The following NTM variants were observed in gnomAD, a reference collection of about 807,000 sequenced individuals.
NTM encodes neurotrimin.
A neutral mutation model predicts 42.1 loss-of-function variants in NTM; 13 were observed. The observed-to-expected ratio is 0.31, with a 90% CI of 0.20 to 0.49. The LOEUF is 0.49. Among genes scored for constraint, NTM ranks in the 20% least tolerant of loss-of-function variants. The pLI is 0.99. For missense variants in NTM, 373 were observed against 452.8 expected (o/e 0.82, Z 1.60); for synonymous variants, 187 against 179.2 (o/e 1.04, Z -0.35).
chr11:132,140,585 G>A (rs1315543820), intron 2 of NTM, among the ~76,000 whole-genome samples: 2 of 152,140 alleles, frequency 1.3e-5, no homozygotes, highest in Non-Finnish European at 1.5e-5. Flanking sequence ...ATCCAGTAGG[G>A]TCAAAATTAG....
chr11:132,109,171 G>T lies in NTM; in HGVS notation c.168-37111G>T, dbSNP rs532470622. On this transcript the variant is annotated intron_variant, in intron 2 of 8. Transcript: ENST00000683400. ...ACAGTGCTGCAATAAACATACGTGT[G>T]CATGTGTCTTTATAGTAGAATGATT... is the stretch of plus-strand genomic sequence containing the variant. 3.0e-3 allele frequency among the ~76,000 whole-genome samples: 431 copies of T among 143,216 alleles called. 2 individuals are homozygous for T. The highest frequency in any genetic ancestry group is 0.011 in the African/African-American group (400 of 37,526). 94.0% of individuals were successfully genotyped at this position (143,216 alleles called of 152,430 possible). A position where few individuals can be genotyped will look rare whatever the true frequency, so the allele number is the denominator to read the frequency against.
intron 1 of NTM, among the ~76,000 whole-genome samples, chr11:131,442,246 G>T (rs545892341): frequency 6.6e-6 from 1 of 152,214 alleles, no homozygotes; most frequent in South Asian, 2.1e-4. Context: ...GATAAAACTT[G>T]TTTGCATCCG....
At chr11:131,755,975 A>G (rs1433649314) in intron 1 of NTM, among the ~76,000 whole-genome samples, 2 of 152,252 alleles carry the variant, frequency 1.3e-5, no homozygotes, top group African/African-American at 2.4e-5. Context: ...TGCATTGGCC[A>G]GGAGATATCA....
intron 1 of NTM, among the ~76,000 whole-genome samples, chr11:131,530,838 C>T (rs952281967): frequency 6.6e-6 from 1 of 152,100 alleles, no homozygotes; most frequent in Admixed American, 6.5e-5. Context: ...ACTGTGTTGT[C>T]CATAGAATTA....
chr11:132,198,662 T>C (rs767923829), intron 3 of NTM, among the ~76,000 whole-genome samples: 1 of 152,240 alleles, frequency 6.6e-6, no homozygotes, highest in Non-Finnish European at 1.5e-5. Flanking sequence ...GTCTGAGTTC[T>C]TGGCTATGGT....
intron 1 of NTM, among the ~76,000 whole-genome samples, chr11:131,559,816 A>G (rs2055985596): frequency 6.6e-6 from 1 of 152,186 alleles, no homozygotes; most frequent in Admixed American, 6.5e-5. Flanking sequence ...GGAACATGAG[A>G]GGCTCACTTT....
chr11:131,503,703 T>C (rs540676331), intron 1 of NTM, among the ~76,000 whole-genome samples: 1 of 151,714 alleles, frequency 6.6e-6, no homozygotes, highest in African/African-American at 2.4e-5. Flanking sequence ...TTTCTCTTTT[T>C]TTTGTAGAGA....
chr11:131,646,193 A>G (rs2065751402), intron 1 of NTM, among the ~76,000 whole-genome samples: 2 of 152,224 alleles, frequency 1.3e-5, no homozygotes, highest in African/African-American at 2.4e-5. Flanking sequence ...ATAAAGTGTC[A>G]TAAAAACACA....
At chr11:131,447,859 C>T (rs905486875) in intron 1 of NTM, among the ~76,000 whole-genome samples, 95 of 152,324 alleles carry the variant, frequency 6.2e-4, no homozygotes, top group African/African-American at 2.2e-3. Context: ...CATCATGCAC[C>T]GCAGATGAGG....
chr11:131,706,793 T>C (rs1412314416), intron 1 of NTM, among the ~76,000 whole-genome samples: 1 of 151,930 alleles, frequency 6.6e-6, no homozygotes, highest in Non-Finnish European at 1.5e-5. Flanking sequence ...CAAACAAACA[T>C]GAAAACATAA....
intron 1 of NTM, among the ~76,000 whole-genome samples, chr11:131,704,770 CA>C (rs1164628687): frequency 1.3e-5 from 2 of 152,026 alleles, no homozygotes; most frequent in Non-Finnish European, 2.9e-5. Flanking sequence ...ATAAGTTCAA[CA>C]AAAAGAAACC....
At position 131,371,762 on chromosome 11, in the gene NTM, A is replaced by C. The variant is rs561469861; in HGVS notation, c.82+874A>C. ...GTTCGTTCCAGCAACAGAATTATCC[A>C]CTAATCTTCTTGCTCCCACCTGCCC... On this transcript the variant is annotated intron_variant, in intron 1 of 8. Transcript: ENST00000683400. 5.1e-5 allele frequency among the ~76,000 whole-genome samples: 7 copies of C among 138,356 alleles called. No individual in the cohort carries two copies. In the East Asian group the frequency reaches 1.8e-3, roughly 37 times the overall value. 90.8% of individuals were successfully genotyped at this position (138,356 alleles called of 152,430 possible).
rs1439794088 is a variant in NTM at position 132,201,122 on chromosome 11, G to T, written c.401-10900G>T. ...TTGAAAAGGTAGTGGGATTACAGAG[G>T]TTGAAGTCCTTAGAACTAGAACAGA... is the stretch of plus-strand genomic sequence containing the variant. On this transcript the variant is annotated intron_variant, in intron 3 of 8. Coordinates refer to ENST00000683400, the MANE Select transcript of NTM (RefSeq NM_001352005.2). 2.6e-5 allele frequency among the ~76,000 whole-genome samples: 4 copies of T among 152,290 alleles called. No homozygotes were observed. In the East Asian group the frequency reaches 7.7e-4, roughly 29 times the overall value.
intron 4 of NTM, among the ~76,000 whole-genome samples, chr11:132,301,084 TAATTTATAAAGAAAAGAGGTTTAATCG>T (rs2094830446): frequency 6.6e-6 from 1 of 152,172 alleles, no homozygotes; most frequent in South Asian, 2.1e-4. Context: ...CAAGACTGGA[TAATTTATAAAGAAAAGAGGTTTAATCG>T]ACTCACAGTT....
chr11:131,490,955 G>A (rs1161307678), intron 1 of NTM, among the ~76,000 whole-genome samples: 1 of 152,176 alleles, frequency 6.6e-6, no homozygotes, highest in Non-Finnish European at 1.5e-5. Context: ...TTTCAGAAAT[G>A]TGTCTACTGC....
At chr11:131,696,725 A>G (rs1375153301) in intron 1 of NTM, among the ~76,000 whole-genome samples, 1 of 152,142 alleles carries the variant, frequency 6.6e-6, no homozygotes, top group Admixed American at 6.5e-5. Context: ...TTAAAGCCAA[A>G]TAAATGTTGG....
intron 1 of NTM, among the ~76,000 whole-genome samples, chr11:131,726,245 C>T (rs921401869): frequency 2.6e-5 from 4 of 152,138 alleles, no homozygotes; most frequent in African/African-American, 4.8e-5. Flanking sequence ...TCTAGCGACC[C>T]TATCTTTTTT....
intron 1 of NTM, among the ~76,000 whole-genome samples, chr11:131,646,763 G>A (rs998467043): frequency 3.6e-4 from 55 of 152,084 alleles, no homozygotes; most frequent in Admixed American, 3.3e-4. Flanking sequence ...GAACTCTAAA[G>A]GGGGTTTCAA....
At chr11:131,447,372 G>T (rs1259763626) in intron 1 of NTM, among the ~76,000 whole-genome samples, 1 of 152,108 alleles carries the variant, frequency 6.6e-6, no homozygotes, top group Non-Finnish European at 1.5e-5. Context: ...CCTTCCCTTT[G>T]CTTCCCACTT....
Sources: gnomAD v4.1 joint callset for allele counts (sites outside exome capture counted in the v4.1 genomes callset) on GRCh38, gnomAD v4.1.1 for gene constraint, MANE v1.5 for transcripts, NCBI Gene and HGNC (gene_info 2026-07-23, HGNC 2026-07-21) for gene names.